RPRD1A: variants seen among roughly 807,000 people sequenced by gnomAD.
The protein encoded by RPRD1A is regulation of nuclear pre-mRNA domain-containing protein 1A.
In RPRD1A, 9 loss-of-function variants were observed where a neutral mutation model predicts 37.8. That is an observed-to-expected ratio of 0.24 (90% CI 0.14 to 0.42). The LOEUF is 0.42. Ranked by LOEUF, RPRD1A falls within the 10% of genes least tolerant of loss-of-function variation. The pLI, the probability that RPRD1A is intolerant of heterozygous loss-of-function variation, is 1.00. For missense variants in RPRD1A, 255 were observed against 371.0 expected, an observed-to-expected ratio of 0.69 and a Z score of 2.57; for synonymous variants, 138 against 139.7, an observed-to-expected ratio of 0.99 and a Z score of 0.08.
At chr18:36,018,290 T>TTTA (rs552760538) in intron 6 of RPRD1A, among the ~76,000 whole-genome samples, 62 of 148,726 alleles carry the variant, frequency 4.2e-4, no homozygotes, top group Admixed American at 1.3e-3. Flanking sequence ...TTTTTTTTTT[T>TTTA]AAAGAAGGAG....
rs201284977 is a variant in RPRD1A at position 36,015,131 on chromosome 18, TACACACACAC to T, written c.789+11759_789+11768del. Among the ~76,000 whole-genome samples the T allele has an allele frequency of 5.5e-4, 68 of 122,966 alleles. No individual in the cohort carries two copies. The Middle Eastern group carries it at 0.013, about 23-fold the overall frequency. The allele number at this position is 122,966 out of a possible 152,430, so 80.7% of individuals were successfully genotyped here. ...AACAAGTTGAAAGTAGGGTCTCACATACACACACACACACACACACACACACATATATACA... is the reference window on the plus strand; with the variant it reads ...AACAAGTTGAAAGTAGGGTCTCACATACACACACACACACACATATATACA... On this transcript the variant is annotated intron_variant, in intron 6 of 6. Transcript: ENST00000399022.
intron 1 of RPRD1A, among the ~76,000 whole-genome samples, chr18:36,057,807 A>T (rs1284961542): frequency 6.6e-6 from 1 of 152,168 alleles, no homozygotes; most frequent in Non-Finnish European, 1.5e-5. Context: ...TTCTACATAT[A>T]CTTCAAATCT....
intron 6 of RPRD1A, among the ~76,000 whole-genome samples, chr18:36,015,151 CACACACAT>C (rs149251086): frequency 0.089 from 11,714 of 132,184 alleles, 566 homozygotes; most frequent in East Asian, 0.16. Flanking sequence ...CACACACACA[CACACACAT>C]ATATACACAT....
chr18:36,033,979 A>T (rs1366007495), intron 1 of RPRD1A, 142 bp from the exon 2 acceptor site: 2 of 611,744 alleles, frequency 3.3e-6, no homozygotes, highest in African/African-American at 3.7e-5. Context: ...CTCTCATTTT[A>T]CTACCAAACT....
rs1262485642 is a variant in RPRD1A at position 35,991,167 on chromosome 18, A to T, written c.*1984T>A. 6.6e-6 allele frequency: 1 copy of T among 152,214 alleles called. No individual in the cohort carries two copies. Among genetic ancestry groups the T allele is most frequent in the Non-Finnish European group, 1.5e-5 (1 of 68,036 alleles). 9.4% of individuals were successfully genotyped at this position (152,214 alleles called of 1,614,324 possible). A position where few individuals can be genotyped will look rare whatever the true frequency, so the allele number is the denominator to read the frequency against. ...TATAAATTAGTTTTAAATGGAAAAA[A>T]ATATATATTTTGAATGGATAAATCA... is the stretch of plus-strand genomic sequence containing the variant. On this transcript the variant is annotated 3_prime_UTR_variant, in exon 7 of 7. Coordinates refer to ENST00000399022, the MANE Select transcript of RPRD1A (RefSeq NM_018170.5).
intron 1 of RPRD1A, among the ~76,000 whole-genome samples, chr18:36,043,146 C>T (rs1319964057): frequency 7.8e-6 from 1 of 128,130 alleles, no homozygotes; most frequent in African/African-American, 3.1e-5. Context: ...TACACACACA[C>T]ACAAACACAG....
chr18:36,010,891 A>G (rs1214411148), intron 6 of RPRD1A, among the ~76,000 whole-genome samples: 1 of 152,224 alleles, frequency 6.6e-6, no homozygotes, highest in Non-Finnish European at 1.5e-5. Context: ...AACTGATTCA[A>G]CATATTGTTT....
chr18:36,057,239 C>A (rs546724417), intron 1 of RPRD1A, among the ~76,000 whole-genome samples: 5 of 150,910 alleles, frequency 3.3e-5, no homozygotes, highest in South Asian at 2.1e-4. Flanking sequence ...ACAACAACAA[C>A]AAACATATAT....
At position 36,012,948 on chromosome 18, in the gene RPRD1A, T is replaced by A. The variant is rs536380190; in HGVS notation, c.789+13952A>T. ...AAGGTGTGAATATTTTAGTCATCAC[T>A]CCAAATCATTTTAACAAGGACAGCT... On this transcript the variant is annotated intron_variant, in intron 6 of 6. Coordinates refer to ENST00000399022, the MANE Select transcript of RPRD1A (RefSeq NM_018170.5). Among the ~76,000 whole-genome samples, 142 of 152,306 alleles carry A rather than the reference T, an allele frequency of 9.3e-4. 1 individual carries two copies. Among genetic ancestry groups the A allele is most frequent in the African/African-American group, 3.2e-3 (135 of 41,562 alleles).
chr18:36,003,801 TTC>T (rs1909567238), intron 6 of RPRD1A, among the ~76,000 whole-genome samples: 2 of 152,118 alleles, frequency 1.3e-5, no homozygotes, highest in Admixed American at 1.3e-4. Context: ...TTTGTTTTGT[TTC>T]TGTTTGTTTT....
chr18:36,052,858 A>G (rs924037201), intron 1 of RPRD1A: 3 of 152,160 alleles, frequency 2.0e-5, no homozygotes, highest in African/African-American at 7.2e-5. Flanking sequence ...TCGGCCTCCC[A>G]AAGTGCTGGG....
chr18:36,067,304 C>T lies in RPRD1A; in HGVS notation c.101G>A (p.Arg34His). ...QTLSLWLIHH[R>H]KHSRPIVTVW... ...GGTGACGATGGGACGCGAGTGTTTA[C>T]GGTGGTGAATGAGCCACAGGGACAA... The change falls in exon 1 of 7, where the codon CGT becomes CAT. Residue 34 changes from arginine (R) to histidine (H), a missense_variant. This residue lies in a region of RPRD1A where 44 missense variants were observed against 102.1 expected (regional missense o/e 0.43). Transcript: ENST00000399022. 1 of 1,606,112 alleles carries T rather than the reference C, an allele frequency of 6.2e-7. No homozygotes were observed. Among genetic ancestry groups the T allele is most frequent in the Admixed American group, 1.7e-5 (1 of 58,918 alleles).
Position 36,027,396 on chromosome 18 carries a change from G to A in RPRD1A, c.487-86C>T, listed in dbSNP as rs117816906. 7,989 of 1,438,006 alleles carry A rather than the reference G, an allele frequency of 5.6e-3. 36 individuals are homozygous for A. The highest frequency in any genetic ancestry group is 6.5e-3 in the South Asian group (552 of 84,402). The allele number at this position is 1,438,006 out of a possible 1,614,324, so 89.1% of individuals were successfully genotyped here. A position where few individuals can be genotyped will look rare whatever the true frequency, so the allele number is the denominator to read the frequency against. ...TAATTTCATATTCTTTCATCCCTATGGGCTATTTACTAGTACAAAGCTCCT... is the reference window on the plus strand; with the variant it reads ...TAATTTCATATTCTTTCATCCCTATAGGCTATTTACTAGTACAAAGCTCCT... On this transcript the variant is annotated intron_variant, in intron 4 of 6. Transcript: ENST00000399022.
chr18:35,990,808 A>T lies in RPRD1A; in HGVS notation c.*2343T>A, dbSNP rs891005800. On this transcript the variant is annotated 3_prime_UTR_variant, in exon 7 of 7. Coordinates refer to ENST00000399022, the MANE Select transcript of RPRD1A (RefSeq NM_018170.5). ...GAGAAAATGAAGTCTTCCTTTTAGG[A>T]AGAATGTTTGCTGCTAAGGCTTACC... 8.5e-5 allele frequency: 13 copies of T among 152,306 alleles called. No individual in the cohort carries two copies. Among genetic ancestry groups the T allele is most frequent in the South Asian group, 6.2e-4 (3 of 4,818 alleles). The allele number at this position is 152,306 out of a possible 1,614,324, so 9.4% of individuals were successfully genotyped here.
rs757146784 is a variant in RPRD1A at position 35,993,196 on chromosome 18, G to A, written c.894C>T (p.Ser298=). The change falls in exon 7 of 7, where the codon AGC becomes AGT. Residue 298 remains serine (S), a synonymous_variant. Coordinates refer to ENST00000399022, the MANE Select transcript of RPRD1A (RefSeq NM_018170.5). The part of the protein sequence containing the change: ...DLSRLPNVTG[S]HMHLPFAGDI... ...CTCCCGCAAAGGGCAGGTGCATGTG[G>A]CTGCCAGTGACATTGGGCAATCGAG... 1.2e-6 allele frequency: 2 copies of A among 1,614,164 alleles called. No homozygotes were observed. The highest frequency in any genetic ancestry group is 1.1e-5 in the South Asian group (1 of 91,082).
At chr18:36,009,175 G>GT (rs1224727808) in intron 6 of RPRD1A, among the ~76,000 whole-genome samples, 5 of 152,058 alleles carry the variant, frequency 3.3e-5, no homozygotes, top group Admixed American at 6.6e-5. Flanking sequence ...AGTACAGACT[G>GT]TATGAATAAC....
intron 1 of RPRD1A, chr18:36,052,765 A>AT (rs1913494236): frequency 6.6e-6 from 1 of 151,746 alleles, no homozygotes; most frequent in Admixed American, 6.6e-5. Context: ...CACCTCGCTA[A>AT]TTTTTTGTAT....
intron 6 of RPRD1A, among the ~76,000 whole-genome samples, chr18:36,001,699 G>T (rs1185443239): frequency 6.6e-6 from 1 of 152,108 alleles, no homozygotes; most frequent in African/African-American, 2.4e-5. Context: ...TCTGGTTTGC[G>T]ACATTCCTCA....
chr18:36,009,871 G>C (rs868838723), intron 6 of RPRD1A, among the ~76,000 whole-genome samples: 1 of 152,206 alleles, frequency 6.6e-6, no homozygotes, highest in South Asian at 2.1e-4. Context: ...GCTGCCTAGT[G>C]AACAGTGCAG....
Sources: allele counts gnomAD v4.1 joint callset (sites outside exome capture counted in the v4.1 genomes callset), GRCh38; gene constraint gnomAD v4.1.1; regional missense constraint gnomAD v4.1.1; transcripts MANE v1.5; gene names NCBI Gene and HGNC (gene_info 2026-07-23, HGNC 2026-07-21).